Variants in MKNK2 observed in about 807,000 individuals in gnomAD.
The protein encoded by MKNK2 is MAP kinase-interacting serine/threonine-protein kinase 2.
A neutral mutation model predicts 55.0 loss-of-function variants in MKNK2; 54 were observed. The ratio of observed to expected loss-of-function variants is 0.98; its 90% confidence interval spans 0.79 to 1.23. MKNK2 has a LOEUF of 1.23. Ranked by LOEUF, MKNK2 falls within the 50% of genes most tolerant of loss-of-function variation. MKNK2 has a pLI of 0.00. For synonymous variants in MKNK2, 323 were observed against 256.0 expected (o/e 1.26, Z -2.50); for missense variants, 685 against 632.1 (o/e 1.08, Z -0.90).
intron 13 of MKNK2, 91 bp downstream of exon 13, chr19:2,040,043 C>T (rs2016841740): frequency 1.4e-6 from 2 of 1,461,868 alleles, no homozygotes; most frequent in African/African-American, 2.8e-5. Context: ...TCCCCGACCC[C>T]AAAGCAGTTC....
chr19:2,047,557 T>C (rs1204865832), intron 2 of MKNK2, among the ~76,000 whole-genome samples: 3 of 151,808 alleles, frequency 2.0e-5, no homozygotes, highest in Non-Finnish European at 4.4e-5. Context: ...CTGGGGCGGG[T>C]CGCGGGGATC....
At chr19:2,042,133 C>G in intron 10 of MKNK2, 99 bp from the exon 11 acceptor site, 2 of 1,197,868 alleles carry the variant, frequency 1.7e-6, no homozygotes, top group Non-Finnish European at 2.2e-6. Context: ...CGGCTCGGAC[C>G]CCGCCCCGCC....
chr19:2,043,032 C>A, intron 7 of MKNK2, 92 bp downstream of exon 7: 2 of 1,307,824 alleles, frequency 1.5e-6, no homozygotes, highest in Non-Finnish European at 2.2e-6. Flanking sequence ...GGACACTCAC[C>A]CCACAAGCCC....
At chr19:2,050,198 C>T (rs2017084453) in intron 2 of MKNK2, among the ~76,000 whole-genome samples, 1 of 152,228 alleles carries the variant, frequency 6.6e-6, no homozygotes, top group African/African-American at 2.4e-5. Context: ...CTTCCCGCTC[C>T]GACAGGAAAC....
At chr19:2,050,473 A>G (rs1756564988) in intron 2 of MKNK2, among the ~76,000 whole-genome samples, 1 of 152,064 alleles carries the variant, frequency 6.6e-6, no homozygotes, top group Non-Finnish European at 1.5e-5. Flanking sequence ...CAGCCTGCTG[A>G]CCCCCCAGAA....
chr19:2,037,600 GT>G lies in MKNK2; in HGVS notation c.*2012del. On this transcript the variant is annotated 3_prime_UTR_variant, in exon 14 of 14. Transcript: ENST00000250896. ...TACATTGGAATTAAAGTGCTTGGATGTTTTTCCCCCACTTTAAAAAAACTTT... is the reference window on the plus strand; with the variant it reads ...TACATTGGAATTAAAGTGCTTGGATGTTTTCCCCCACTTTAAAAAAACTTT... 3 of 610,188 alleles carry G rather than the reference GT, an allele frequency of 4.9e-6. No individual in the cohort carries two copies. Among genetic ancestry groups the G allele is most frequent in the East Asian group, 3.2e-5 (1 of 30,912 alleles). 37.8% of individuals were successfully genotyped at this position (610,188 alleles called of 1,614,324 possible). A position where few individuals can be genotyped will look rare whatever the true frequency, so the allele number is the denominator to read the frequency against.
chr19:2,042,315 A>G lies in MKNK2; in HGVS notation c.750+112T>C. On this transcript the variant is annotated intron_variant, in intron 10 of 13. Coordinates refer to ENST00000250896, the MANE Select transcript of MKNK2 (RefSeq NM_199054.3). ...GCCCAACCAATCAGCGGCTGTTGCT[A>G]GGCGGAAGCCCGAGCTCCGCGGCCT... 8 of 983,990 alleles carry G rather than the reference A, an allele frequency of 8.1e-6. 1 individual carries two copies. The South Asian group carries it at 1.2e-4, about 15-fold the overall frequency. 61.0% of individuals were successfully genotyped at this position (983,990 alleles called of 1,614,324 possible). A position where few individuals can be genotyped will look rare whatever the true frequency, so the allele number is the denominator to read the frequency against.
At position 2,042,334 on chromosome 19, in the gene MKNK2, G is replaced by C. The variant is rs1285745648; in HGVS notation, c.750+93C>G. On this transcript the variant is annotated intron_variant, in intron 10 of 13. Coordinates refer to ENST00000250896, the MANE Select transcript of MKNK2 (RefSeq NM_199054.3). ...GTTGCTAGGCGGAAGCCCGAGCTCC[G>C]CGGCCTGGAGCTGCTGGATGGCCCA... is the stretch of plus-strand genomic sequence containing the variant. 5.1e-6 allele frequency: 6 copies of C among 1,174,552 alleles called. No individual in the cohort carries two copies. In the Admixed American group the frequency reaches 6.5e-5, roughly 13 times the overall value. The allele number at this position is 1,174,552 out of a possible 1,614,324, so 72.8% of individuals were successfully genotyped here. A position where few individuals can be genotyped will look rare whatever the true frequency, so the allele number is the denominator to read the frequency against.
In MKNK2 at chr19:2,042,508, C is replaced by T. The variant is rs1347624858; in HGVS notation, c.669G>A (p.Lys223=). The change falls in exon 10 of 14, where the codon AAG becomes AAA. Residue 223 remains lysine, a synonymous_variant. Transcript: ENST00000250896. ...CGCTGCCCAGGTCGAAGTCACAGATCTTCACGGGGGAGACCTGGGAGGGGC... is the reference window on the plus strand; with the variant it reads ...CGCTGCCCAGGTCGAAGTCACAGATTTTCACGGGGGAGACCTGGGAGGGGC... ...CEHPNQVSPV[K]ICDFDLGSGI... is the part of the protein sequence containing the mutation. The T allele has an allele frequency of 6.3e-7, 1 of 1,596,606 alleles. No individual in the cohort carries two copies. Among genetic ancestry groups the T allele is most frequent in the South Asian group, 1.1e-5 (1 of 87,882 alleles).
At chr19:2,050,747 C>T in intron 2 of MKNK2, 54 bp downstream of exon 2, 1 of 1,496,028 alleles carries the variant, frequency 6.7e-7, no homozygotes, top group Non-Finnish European at 9.0e-7. Flanking sequence ...CCCCCCACGC[C>T]GGCCATTCCG....
In MKNK2 at chr19:2,042,824, C is replaced by A; in HGVS notation, c.540G>T (p.Leu180=). The part of the protein sequence containing the change: ...HIHKRRHFNE[L]EASVVVQDVA... ...CGTCCTGCACCACCACGCTGGCCTCCAGCTCGTTGAAGTGCCGGCGCTTGT... is the reference window on the plus strand; with the variant it reads ...CGTCCTGCACCACCACGCTGGCCTCAAGCTCGTTGAAGTGCCGGCGCTTGT... Residue 180 remains leucine (L), a synonymous_variant, in exon 8 of 14, where the codon CTG becomes CTT. Transcript: ENST00000250896. 1 of 1,578,998 alleles carries A rather than the reference C, an allele frequency of 6.3e-7. No homozygotes were observed.
chr19:2,037,838 A>G lies in MKNK2; in HGVS notation c.*1775T>C, dbSNP rs1245523730. On this transcript the variant is annotated 3_prime_UTR_variant, in exon 14 of 14. Transcript: ENST00000250896. ...GGAAGTGACTGTCCCACCTTCAGAA[A>G]AAAAAAAAAAAACAAACAAACAAAC... The G allele has an allele frequency of 3.0e-6, 4 of 1,333,902 alleles. No individual in the cohort carries two copies. Among genetic ancestry groups the G allele is most frequent in the Non-Finnish European group, 4.1e-6 (4 of 964,270 alleles). 82.6% of individuals were successfully genotyped at this position (1,333,902 alleles called of 1,614,324 possible). A position where few individuals can be genotyped will look rare whatever the true frequency, so the allele number is the denominator to read the frequency against.
In MKNK2 at chr19:2,041,038, A is replaced by G; in HGVS notation, c.1110+2T>C. On this transcript the variant is annotated splice_donor_variant, in intron 12 of 13. Coordinates refer to ENST00000250896, the MANE Select transcript of MKNK2 (RefSeq NM_199054.3). LOFTEE classifies it high-confidence loss of function. The stretch of plus-strand genomic sequence containing the variant: ...CCTGCCGCCCGTGCGGCTGGTACTC[A>G]CCCCCTGAACCCAGGGGTGCTGCAG... 1 of 1,613,032 alleles carries G rather than the reference A, an allele frequency of 6.2e-7. No individual in the cohort carries two copies. Among genetic ancestry groups the G allele is most frequent in the Non-Finnish European group, 8.5e-7 (1 of 1,179,670 alleles).
intron 2 of MKNK2, 87 bp from the exon 3 acceptor site, chr19:2,046,778 C>T: frequency 9.2e-7 from 1 of 1,085,538 alleles, no homozygotes. Context: ...GTCGCAGCGT[C>T]CACACTGACA....
Position 2,039,640 on chromosome 19 carries a change from TG to T in MKNK2, c.1370del (p.Pro457GlnfsTer27). 2 of 1,612,902 alleles carry T rather than the reference TG, an allele frequency of 1.2e-6. No individual in the cohort carries two copies. The highest frequency in any genetic ancestry group is 8.5e-7 in the Non-Finnish European group (1 of 1,179,812). ...AGGCGTGGTCTCCCACCAGGACCACTGGGGCCGAGGACAGACTGGCCCTTTG... is the reference window on the plus strand; with the variant it reads ...AGGCGTGGTCTCCCACCAGGACCACTGGGCCGAGGACAGACTGGCCCTTTG... ...RRQRASLSSA[P>X]VVLVGDHA On this transcript the variant is annotated frameshift_variant, in exon 14 of 14. Coordinates refer to ENST00000250896, the MANE Select transcript of MKNK2 (RefSeq NM_199054.3). LOFTEE classifies it high-confidence loss of function.
chr19:2,050,801 CT>C lies in MKNK2; in HGVS notation c.50del (p.Lys17ArgfsTer12). The C allele has an allele frequency of 6.5e-7, 1 of 1,537,698 alleles. No homozygotes were observed. The highest frequency in any genetic ancestry group is 8.8e-7 in the Non-Finnish European group (1 of 1,141,946). ...AELQGFHRSF[K>X]GQNPFELAFS... ...CCCCCAAACCGACCCCGGGCCTCAC[CT>C]TGAACGAACGGTGGAAACCCTGAAG... On this transcript the variant is annotated frameshift_variant and splice_region_variant, in exon 2 of 14. Transcript: ENST00000250896. LOFTEE classifies it high-confidence loss of function.
chr19:2,042,697 G>T, intron 8 of MKNK2, 35 bp from the exon 9 acceptor site: 1 of 1,551,778 alleles, frequency 6.4e-7, no homozygotes, highest in East Asian at 2.4e-5. Context: ...GACGGGGTGA[G>T]GGTCTGGAGG....
intron 2 of MKNK2, among the ~76,000 whole-genome samples, chr19:2,048,772 G>C (rs1291248894): frequency 2.0e-5 from 3 of 152,076 alleles, no homozygotes; most frequent in Non-Finnish European, 1.5e-5. Flanking sequence ...GCTACCAGGA[G>C]GCTGCTGGGG....
intron 5 of MKNK2, 120 bp downstream of exon 5, chr19:2,046,066 C>T: frequency 3.8e-6 from 4 of 1,060,570 alleles, no homozygotes; most frequent in Non-Finnish European, 4.2e-6. Context: ...CCGGTGGCCA[C>T]TTTTAGACAC....
Sources: gnomAD v4.1 joint callset for allele counts (sites outside exome capture counted in the v4.1 genomes callset) on GRCh38, gnomAD v4.1.1 for gene constraint, MANE v1.5 for transcripts, NCBI Gene and HGNC (gene_info 2026-07-23, HGNC 2026-07-21) for gene names.